Variants in RARB observed in about 807,000 individuals in gnomAD.
RARB encodes the protein HBV-activated protein.
Under a neutral mutation model 51.9 loss-of-function variants are expected in RARB, and 17 were observed. That is an observed-to-expected ratio of 0.33 (90% CI 0.22 to 0.49). The LOEUF (loss-of-function observed/expected upper bound fraction) is 0.49. Ranked by LOEUF, RARB falls within the 20% of genes least tolerant of loss-of-function variation. The pLI is 0.99. For synonymous variants in RARB, 215 were observed against 195.4 expected, an observed-to-expected ratio of 1.10 and a Z score of -0.84; for missense variants, 369 against 550.8, an observed-to-expected ratio of 0.67 and a Z score of 3.30.
In RARB at chr3:25,221,789, G is replaced by A. The variant is rs74749686; in HGVS notation, c.178+47214G>A. The stretch of plus-strand genomic sequence containing the variant: ...AATTTAGAGATCTACAGTGGAAAGT[G>A]TGTGTTTTTAGCTTAGAAACTAAGT... On this transcript the variant is annotated intron_variant, in intron 5 of 11. Coordinates refer to the RARB transcript ENST00000383772. Among the ~76,000 whole-genome samples the A allele has an allele frequency of 9.5e-3, 1,453 of 152,256 alleles. 22 individuals are homozygous for A. The highest frequency in any genetic ancestry group is 0.037 in the East Asian group (191 of 5,178).
In RARB at chr3:24,864,350, G is replaced by GT. The variant is rs1702810169; in HGVS notation, c.-380+5604dup. Among the ~76,000 whole-genome samples the GT allele has an allele frequency of 3.3e-5, 5 of 152,226 alleles. No homozygotes were observed. In the East Asian group the frequency reaches 7.7e-4, roughly 23 times the overall value. On this transcript the variant is annotated intron_variant, in intron 2 of 11. Coordinates refer to the RARB transcript ENST00000383772. The stretch of plus-strand genomic sequence containing the variant: ...TTGCCATTCAGTGTTGTTCCTTTGC[G>GT]TTTTTTCTTCCTTTGCTGTCCAGTG...
chr3:25,055,961 T>TTA (rs1698432854), intron 2 of RARB, among the ~76,000 whole-genome samples: 1 of 152,122 alleles, frequency 6.6e-6, no homozygotes, highest in Non-Finnish European at 1.5e-5. Context: ...ACCAGTCATG[T>TTA]TAGCTACTCC....
chr3:24,876,202 T>A (rs754669602), intron 2 of RARB, among the ~76,000 whole-genome samples: 1 of 152,182 alleles, frequency 6.6e-6, no homozygotes, highest in Non-Finnish European at 1.5e-5. Context: ...ATTTTTCTCA[T>A]TGTGATTAAT....
chr3:25,319,911 C>G (rs2125438623), intron 5 of RARB, among the ~76,000 whole-genome samples: 1 of 152,244 alleles, frequency 6.6e-6, no homozygotes, highest in South Asian at 2.1e-4. Flanking sequence ...GAAAAAGTAA[C>G]TAGCACTATC....
intron 2 of RARB, among the ~76,000 whole-genome samples, chr3:24,955,010 G>C (rs1695979540): frequency 6.6e-6 from 1 of 152,196 alleles, no homozygotes; most frequent in Non-Finnish European, 1.5e-5. Flanking sequence ...CAGCTCAATG[G>C]AGAGTCAGGG....
intron 5 of RARB, among the ~76,000 whole-genome samples, chr3:25,278,730 G>A (rs4681044): frequency 0.7 from 106,555 of 152,040 alleles, 37,590 homozygotes; most frequent in East Asian, 0.85. Flanking sequence ...ATTTGCATGT[G>A]TACCATATTA....
At chr3:25,080,839 T>C (rs1194752778) in intron 3 of RARB, among the ~76,000 whole-genome samples, 1 of 152,188 alleles carries the variant, frequency 6.6e-6, no homozygotes, top group African/African-American at 2.4e-5. Context: ...TTTTCTACTT[T>C]TAAGGTTTTT....
At chr3:24,997,408 C>G (rs1462254443) in intron 2 of RARB, among the ~76,000 whole-genome samples, 1 of 151,146 alleles carries the variant, frequency 6.6e-6, no homozygotes, top group Non-Finnish European at 1.5e-5. Context: ...TAGTCTTTAT[C>G]TTTTAAGTTG....
intron 3 of RARB, among the ~76,000 whole-genome samples, chr3:25,558,518 A>C (rs983483290): frequency 3.5e-5 from 5 of 141,740 alleles, no homozygotes; most frequent in African/African-American, 1.3e-4. Context: ...CCCAAGGATT[A>C]GTTCCTGGCC....
At chr3:25,101,697 T>C (rs1257409920) in intron 3 of RARB, among the ~76,000 whole-genome samples, 1 of 152,060 alleles carries the variant, frequency 6.6e-6, no homozygotes, top group Non-Finnish European at 1.5e-5. Context: ...GCCATACTTC[T>C]TGATTCTTTC....
rs1239064966 is a variant in RARB, at chr3:25,106,468, GT to G, written c.-327-25689del. Among the ~76,000 whole-genome samples, 664 of 114,006 alleles carry G rather than the reference GT, an allele frequency of 5.8e-3. 41 individuals are homozygous for G. Among genetic ancestry groups the G allele is most frequent in the African/African-American group, 0.024 (648 of 27,336 alleles). The allele number at this position is 114,006 out of a possible 152,430, so 74.8% of individuals were successfully genotyped here. ...TGTTTTTTGTTTTTTGTTTTTTTTT[GT>G]TTTGTTTTTTTTTTGTAGAGACAGG... On this transcript the variant is annotated intron_variant, in intron 3 of 11. Transcript: ENST00000383772.
intron 2 of RARB, among the ~76,000 whole-genome samples, chr3:25,054,056 C>G (rs1698391198): frequency 6.6e-6 from 1 of 152,048 alleles, no homozygotes; most frequent in Non-Finnish European, 1.5e-5. Context: ...AGTGGGGAGT[C>G]CATGTGGACA....
At chr3:25,365,227 G>GTC (rs1706079931) in intron 5 of RARB, among the ~76,000 whole-genome samples, 1 of 27,464 alleles carries the variant, frequency 3.6e-5, no homozygotes, top group Non-Finnish European at 9.0e-5. Context: ...TTTTTTTTTT[G>GTC]GCTGGAGGCT....
intron 5 of RARB, among the ~76,000 whole-genome samples, chr3:25,247,368 C>G (rs755134230): frequency 1.3e-5 from 2 of 152,136 alleles, no homozygotes; most frequent in Non-Finnish European, 2.9e-5. Flanking sequence ...CACTGGGATA[C>G]AAACAAAAAC....
Position 25,597,079 on chromosome 3 carries a change from A to T in RARB, c.*463A>T, listed in dbSNP as rs1701867451. On this transcript the variant is annotated 3_prime_UTR_variant, in exon 8 of 8. Transcript: ENST00000330688. ...TGTACACGTCTACCTAGGTTCAAAAAGATAACTGTCTTGCTTTCATGGAAT... is the reference window on the plus strand; with the variant it reads ...TGTACACGTCTACCTAGGTTCAAAATGATAACTGTCTTGCTTTCATGGAAT... The T allele has an allele frequency of 6.5e-6, 1 of 153,914 alleles. No homozygotes were observed. The highest frequency in any genetic ancestry group is 2.0e-4 in the South Asian group (1 of 4,906). The allele number at this position is 153,914 out of a possible 1,614,324, so 9.5% of individuals were successfully genotyped here.
intron 2 of RARB, among the ~76,000 whole-genome samples, chr3:24,935,321 C>T (rs1695527141): frequency 6.6e-6 from 1 of 152,198 alleles, no homozygotes; most frequent in Admixed American, 6.6e-5. Flanking sequence ...TAATTTATTT[C>T]CTTCCCTAGT....
intron 3 of RARB, among the ~76,000 whole-genome samples, chr3:25,508,312 A>G (rs1011345730): frequency 2.0e-5 from 3 of 152,304 alleles, no homozygotes; most frequent in Middle Eastern, 3.4e-3. Flanking sequence ...GATTGGATGG[A>G]ATGAATGTGC....
chr3:24,938,609 G>A (rs1289819921), intron 2 of RARB, among the ~76,000 whole-genome samples: 2 of 152,080 alleles, frequency 1.3e-5, no homozygotes, highest in East Asian at 1.9e-4. Context: ...ATTTTAAATG[G>A]ACAATTAAGT....
chr3:25,588,709 G>A (rs572300504), intron 5 of RARB, among the ~76,000 whole-genome samples: 9 of 152,236 alleles, frequency 5.9e-5, no homozygotes, highest in South Asian at 2.1e-4. Context: ...GAAGCTCTCC[G>A]CCTCCACAAT....
Sources: gnomAD v4.1 joint callset for allele counts (sites outside exome capture counted in the v4.1 genomes callset) on GRCh38, gnomAD v4.1.1 for gene constraint, MANE v1.5 for transcripts, NCBI Gene and HGNC (gene_info 2026-07-23, HGNC 2026-07-21) for gene names.